The following MED12L variants were observed in gnomAD, a reference collection of about 807,000 sequenced individuals.
MED12L encodes the protein mediator complex subunit 12L.
MED12L carries 60 observed loss-of-function variants against 281.3 expected under a neutral mutation model. That is an observed-to-expected ratio of 0.21 (90% confidence interval 0.17 to 0.26). The LOEUF is 0.26. Ranked by LOEUF, MED12L falls within the 10% of genes least tolerant of loss-of-function variation. MED12L has a pLI of 1.00. For synonymous variants in MED12L, 974 were observed against 987.2 expected (o/e 0.99, Z 0.25); for missense variants, 2,146 against 2,680.9 (o/e 0.80, Z 4.41).
In MED12L at chr3:151,390,004, G is replaced by A. The variant is rs374530506; in HGVS notation, c.5477G>A (p.Arg1826Gln). 1.6e-5 allele frequency: 26 copies of A among 1,613,908 alleles called. No homozygotes were observed. Among genetic ancestry groups the A allele is most frequent in the East Asian group, 1.1e-4 (5 of 44,886 alleles). ...GAATATCCACAGAGCAACATATACC[G>A]AGTGCCTCCTAATTACTCGCCTATC... ...VDEYPQSNIY[R>Q]VPPNYSPISS... Residue 1826 changes from arginine to glutamine, a missense_variant, in exon 38 of 45, where the codon CGA becomes CAA. Coordinates refer to ENST00000687756, the MANE Select transcript of MED12L (RefSeq NM_001393769.1).
At chr3:151,189,845 G>A (rs1308263795) in intron 13 of MED12L, among the ~76,000 whole-genome samples, 1 of 152,200 alleles carries the variant, frequency 6.6e-6, no homozygotes, top group Non-Finnish European at 1.5e-5. Context: ...GTCATAATGT[G>A]AGTTAAATAG....
At chr3:151,246,844 T>C (rs1735640781) in intron 16 of MED12L, among the ~76,000 whole-genome samples, 1 of 152,048 alleles carries the variant, frequency 6.6e-6, no homozygotes. Flanking sequence ...GCCTACAAAA[T>C]GGGAGAAACT....
rs138585048 is a variant in MED12L, at chr3:151,382,665, A to G, written c.4600A>G (p.Asn1534Asp). ...LQNQVNQILS[N>D]WREERYQDDI... ...TTTTTCCGGATCTTAGATTTTAAGT[A>G]ACTGGAGAGAAGAACGATACCAAGA... is the stretch of plus-strand genomic sequence containing the variant. The change falls in exon 33 of 45, where the codon AAC becomes GAC. Residue 1534 changes from asparagine (N) to aspartate (D), a missense_variant. By Grantham distance (23) the Asn-to-Asp change is conservative. This residue lies in a region of MED12L where 212 missense variants were observed against 340.8 expected (regional missense o/e 0.62). Coordinates refer to ENST00000687756, the MANE Select transcript of MED12L (RefSeq NM_001393769.1). The G allele has an allele frequency of 7.5e-6, 12 of 1,607,886 alleles. No homozygotes were observed. Among genetic ancestry groups the G allele is most frequent in the Admixed American group, 1.7e-5 (1 of 59,022 alleles).
At position 151,341,566 on chromosome 3, in the gene MED12L, CT is replaced by C. The variant is rs56101716; in HGVS notation, c.2251-8482del. On this transcript the variant is annotated intron_variant, in intron 16 of 44. Coordinates refer to ENST00000687756, the MANE Select transcript of MED12L (RefSeq NM_001393769.1). ...AGGGCAAAGTGTTTTGCTGCTTTAA[CT>C]TTTTTTTTTTAATTTTATTATTATT... Among the ~76,000 whole-genome samples the C allele has an allele frequency of 1.5e-3, 221 of 148,508 alleles. 2 individuals carry two copies. Among genetic ancestry groups the C allele is most frequent in the African/African-American group, 4.7e-3 (189 of 40,492 alleles).
chr3:151,319,424 A>C (rs1748703154), intron 16 of MED12L, among the ~76,000 whole-genome samples: 1 of 149,912 alleles, frequency 6.7e-6, no homozygotes, highest in Admixed American at 6.7e-5. Context: ...ACAAACCCCA[A>C]ATTTATTTTA....
At chr3:151,252,100 C>T (rs1736964158) in intron 16 of MED12L, among the ~76,000 whole-genome samples, 4 of 152,108 alleles carry the variant, frequency 2.6e-5, no homozygotes. Context: ...GAGGTTATTC[C>T]TGGACCACCC....
intron 16 of MED12L, chr3:151,295,298 T>A (rs1331944944): frequency 1.3e-6 from 1 of 766,824 alleles, no homozygotes; most frequent in Non-Finnish European, 2.2e-6. Flanking sequence ...CAACTTTTTG[T>A]TATTTCAGGT....
At chr3:151,430,463 C>A in intron 44 of MED12L, 83 bp downstream of exon 44, 1 of 1,589,130 alleles carries the variant, frequency 6.3e-7, no homozygotes, top group South Asian at 1.1e-5. Context: ...GCGGCTCTCC[C>A]AAGATGGTAC....
At chr3:151,430,466 G>A in intron 44 of MED12L, 86 bp downstream of exon 44, 2 of 1,588,178 alleles carry the variant, frequency 1.3e-6, no homozygotes, top group Middle Eastern at 1.7e-4. Context: ...GCTCTCCCAA[G>A]ATGGTACCAT....
chr3:151,418,824 C>A (rs1254628746), intron 43 of MED12L, among the ~76,000 whole-genome samples: 3 of 152,086 alleles, frequency 2.0e-5, no homozygotes, highest in East Asian at 1.9e-4. Flanking sequence ...TTCATTCTTA[C>A]TATGGATGTG....
intron 16 of MED12L, among the ~76,000 whole-genome samples, chr3:151,301,391 G>C (rs1487886798): frequency 6.6e-6 from 1 of 152,104 alleles, no homozygotes; most frequent in East Asian, 1.9e-4. Context: ...AAGTTGTATG[G>C]TTGTCCTCTT....
At chr3:151,118,178 G>A (rs936193199) in intron 3 of MED12L, among the ~76,000 whole-genome samples, 1 of 150,830 alleles carries the variant, frequency 6.6e-6, no homozygotes, top group Admixed American at 6.6e-5. Context: ...TATATTTTGA[G>A]TTGGATGTTA....
At chr3:151,432,531 G>A (rs1263447458) in intron 44 of MED12L, among the ~76,000 whole-genome samples, 3 of 152,122 alleles carry the variant, frequency 2.0e-5, no homozygotes, top group East Asian at 1.9e-4. Context: ...TAAATCCTGC[G>A]GCCTTGCATT....
At chr3:151,092,788 T>C (rs530497381) in intron 2 of MED12L, among the ~76,000 whole-genome samples, 4 of 152,216 alleles carry the variant, frequency 2.6e-5, no homozygotes, top group African/African-American at 4.8e-5. Context: ...CTGAGACTAA[T>C]TGGCTGGCCC....
chr3:151,280,091 G>A (rs567928376), intron 16 of MED12L, among the ~76,000 whole-genome samples: 1 of 152,330 alleles, frequency 6.6e-6, no homozygotes, highest in East Asian at 1.9e-4. Context: ...GCCTCTTAAT[G>A]CCAGGAGTTG....
At chr3:151,273,919 G>A (rs1741432260) in intron 16 of MED12L, among the ~76,000 whole-genome samples, 1 of 152,172 alleles carries the variant, frequency 6.6e-6, no homozygotes, top group African/African-American at 2.4e-5. Flanking sequence ...ACTTCACTGT[G>A]TTATGAGGCT....
intron 44 of MED12L, among the ~76,000 whole-genome samples, chr3:151,430,651 G>A (rs1021282541): frequency 7.1e-6 from 1 of 141,704 alleles, no homozygotes; most frequent in African/African-American, 2.7e-5. Context: ...CTTCTCATTG[G>A]GGGGACTCCT....
rs539226400 is a variant in MED12L at position 151,294,783 on chromosome 3, T to G, written c.2251-55276T>G. ...ACAGATAAAACCTTCGTGAAGGTTA[T>G]GCTGTACATCCGAGAGTCCCCAAAT... On this transcript the variant is annotated intron_variant, in intron 16 of 44. Transcript: ENST00000687756. 97 of 1,614,162 alleles carry G rather than the reference T, an allele frequency of 6.0e-5. No individual in the cohort carries two copies. In the South Asian group the frequency reaches 9.6e-4, roughly 16 times the overall value.
chr3:151,294,946 A>G, intron 16 of MED12L: 3 of 1,614,138 alleles, frequency 1.9e-6, no homozygotes, highest in South Asian at 2.2e-5. Flanking sequence ...ATCCTGCATC[A>G]TGGACTATTC....
Sources: allele counts gnomAD v4.1 joint callset (sites outside exome capture counted in the v4.1 genomes callset), GRCh38; gene constraint gnomAD v4.1.1; regional missense constraint gnomAD v4.1.1; transcripts MANE v1.5; gene names NCBI Gene and HGNC (gene_info 2026-07-23, HGNC 2026-07-21).